Variants in SPATA45 observed in about 807,000 individuals in gnomAD.
The protein encoded by SPATA45 is spermatogenesis associated 45.
SPATA45 carries 5 observed loss-of-function variants against 7.0 expected under a neutral mutation model. The ratio of observed to expected loss-of-function variants is 0.71; its 90% CI spans 0.37 to 1.50. The LOEUF (loss-of-function observed/expected upper bound fraction) is 1.50. Ranked by LOEUF, SPATA45 falls within the 40% of genes most tolerant of loss-of-function variation. SPATA45 has a pLI of 0.03. For synonymous variants in SPATA45, 40 were observed against 38.7 expected (o/e 1.03, Z -0.13); for missense variants, 111 against 114.9 (o/e 0.97, Z 0.16).
At chr1:212,843,100 T>TACAC (rs367648433) in intron 1 of SPATA45, among the ~76,000 whole-genome samples, 12,021 of 121,840 alleles carry the variant, frequency 0.099, 777 homozygotes, top group East Asian at 0.19. Context: ...CCGTCAAACA[T>TACAC]ACACACACAC....
chr1:212,845,796 C>T (rs1267537171), intron 1 of SPATA45, among the ~76,000 whole-genome samples: 4 of 152,210 alleles, frequency 2.6e-5, no homozygotes, highest in Non-Finnish European at 5.9e-5. Flanking sequence ...CCTTCTTTAA[C>T]AAACAATTGC....
chr1:212,832,250 C>T (rs1199379226), intron 2 of SPATA45, among the ~76,000 whole-genome samples: 3 of 150,606 alleles, frequency 2.0e-5, no homozygotes, highest in African/African-American at 4.9e-5. Flanking sequence ...GTGATCCACT[C>T]GCCTCGGCCT....
At chr1:212,836,941 G>A (rs1424747460) in intron 1 of SPATA45, among the ~76,000 whole-genome samples, 7 of 151,068 alleles carry the variant, frequency 4.6e-5, no homozygotes, top group Non-Finnish European at 1.0e-4. Context: ...ACAGGCATGA[G>A]CCACCGTACC....
intron 1 of SPATA45, among the ~76,000 whole-genome samples, chr1:212,842,176 G>A (rs1430411557): frequency 6.6e-6 from 1 of 150,480 alleles, no homozygotes; most frequent in Non-Finnish European, 1.5e-5. Flanking sequence ...TCAGGGGTTC[G>A]AGACCAGCCT....
intron 1 of SPATA45, among the ~76,000 whole-genome samples, chr1:212,847,166 C>G (rs565149912): frequency 6.6e-5 from 10 of 152,314 alleles, no homozygotes; most frequent in African/African-American, 2.4e-4. Flanking sequence ...GCTGGGATTA[C>G]AGGCGTGAGC....
intron 1 of SPATA45, among the ~76,000 whole-genome samples, chr1:212,840,324 C>T (rs915750862): frequency 1.3e-5 from 2 of 151,650 alleles, no homozygotes; most frequent in Non-Finnish European, 2.9e-5. Flanking sequence ...TCGGAAGAAT[C>T]ACTTGAACCC....
chr1:212,830,387 A>C, intron 2 of SPATA45, 126 bp from the exon 3 acceptor site: 1 of 558,240 alleles, frequency 1.8e-6, no homozygotes, highest in East Asian at 3.4e-5. Flanking sequence ...GAAACACCAA[A>C]TGGGCCGGGT....
intron 1 of SPATA45, among the ~76,000 whole-genome samples, chr1:212,837,960 T>C (rs1663616708): frequency 2.0e-5 from 3 of 151,486 alleles, no homozygotes; most frequent in Non-Finnish European, 3.0e-5. Flanking sequence ...GGAGGGACAA[T>C]TGGACCAACA....
At chr1:212,842,725 C>A (rs1007191193) in intron 1 of SPATA45, among the ~76,000 whole-genome samples, 22 of 152,234 alleles carry the variant, frequency 1.4e-4, no homozygotes, top group African/African-American at 4.6e-4. Context: ...GTGATCCCAA[C>A]ACTTTGGGAG....
intron 1 of SPATA45, among the ~76,000 whole-genome samples, chr1:212,845,087 C>T (rs892743412): frequency 1.3e-5 from 2 of 152,226 alleles, no homozygotes; most frequent in Admixed American, 1.3e-4. Context: ...ATATCTCCTT[C>T]CAGCCTCACA....
intron 1 of SPATA45, among the ~76,000 whole-genome samples, chr1:212,838,632 C>T (rs1459388566): frequency 6.6e-6 from 1 of 151,756 alleles, no homozygotes; most frequent in Non-Finnish European, 1.5e-5. Context: ...TGAAAACTAA[C>T]ACATGAATGT....
intron 1 of SPATA45, among the ~76,000 whole-genome samples, chr1:212,836,475 C>T (rs749197992): frequency 1.5e-4 from 22 of 151,416 alleles, no homozygotes; most frequent in African/African-American, 2.2e-4. Context: ...GAATTACAGG[C>T]GCGCACTACC....
chr1:212,838,026 C>T lies in SPATA45; in HGVS notation c.-38-1839G>A, dbSNP rs897742994. The stretch of plus-strand genomic sequence containing the variant: ...CAGAAGACAAAGAAATGGGGCTGGG[C>T]GTGATGGCTCACACCTACAATCCCA... On this transcript the variant is annotated intron_variant, in intron 1 of 2. Transcript: ENST00000332912. Among the ~76,000 whole-genome samples the T allele has an allele frequency of 5.3e-5, 8 of 151,556 alleles. 1 individual carries two copies. The highest frequency in any genetic ancestry group is 1.0e-4 in the Non-Finnish European group (7 of 67,732).
In SPATA45 at chr1:212,835,916, C is replaced by T. The variant is rs1663576691; in HGVS notation, c.234G>A (p.Leu78=). ...TTCTCTCCATGTGAGCAAGGAGACT[C>T]AGCTTGATCCAGGAGCTCCTGCCAC... is the stretch of plus-strand genomic sequence containing the variant. ...PNSGRSSWIK[L]SLLAHMERKH... The change falls in exon 2 of 3, where the codon CTG becomes CTA. Residue 78 remains leucine, a synonymous_variant. Transcript: ENST00000332912. 1.9e-6 allele frequency: 3 copies of T among 1,610,292 alleles called. No individual in the cohort carries two copies. Among genetic ancestry groups the T allele is most frequent in the Middle Eastern group, 3.3e-4 (2 of 6,038 alleles).
At chr1:212,832,015 CTT>C (rs10645815) in intron 2 of SPATA45, among the ~76,000 whole-genome samples, 1 of 93,556 alleles carries the variant, frequency 1.1e-5, no homozygotes, top group Non-Finnish European at 2.0e-5. Flanking sequence ...CATTTACTTC[CTT>C]TTTTTTTTTT....
At chr1:212,830,720 C>T (rs961965298) in intron 2 of SPATA45, among the ~76,000 whole-genome samples, 1 of 149,654 alleles carries the variant, frequency 6.7e-6, no homozygotes, top group East Asian at 2.0e-4. Flanking sequence ...CTGTGGCTCA[C>T]GCCTGTAATC....
chr1:212,843,296 A>C (rs1393948527), intron 1 of SPATA45, among the ~76,000 whole-genome samples: 11 of 152,194 alleles, frequency 7.2e-5, no homozygotes, highest in African/African-American at 2.7e-4. Flanking sequence ...ATCTCAAAAA[A>C]AAAAAGAAAA....
chr1:212,832,015 C>CT (rs10645815), intron 2 of SPATA45, among the ~76,000 whole-genome samples: 41,767 of 93,550 alleles, frequency 0.45, 12,148 homozygotes, highest in East Asian at 0.75. Flanking sequence ...CATTTACTTC[C>CT]TTTTTTTTTT....
intron 2 of SPATA45, among the ~76,000 whole-genome samples, chr1:212,832,359 C>CTTTTTT (rs34934655): frequency 1.7e-5 from 1 of 57,174 alleles, no homozygotes; most frequent in African/African-American, 7.0e-5. Flanking sequence ...GAAATCTAAG[C>CTTTTTT]TTTTTTTTTT....
Sources: allele counts gnomAD v4.1 joint callset (sites outside exome capture counted in the v4.1 genomes callset), GRCh38; gene constraint gnomAD v4.1.1; transcripts MANE v1.5; gene names NCBI Gene and HGNC (gene_info 2026-07-23, HGNC 2026-07-21).